Variants in SLC16A4 observed in about 807,000 individuals in gnomAD.
SLC16A4 encodes the protein solute carrier family 16 member 4, also known as probable monocarboxylate transporter 5.
A neutral mutation model predicts 47.9 loss-of-function variants in SLC16A4; 39 were observed. The observed-to-expected ratio is 0.81, with a 90% CI of 0.63 to 1.06. The LOEUF is 1.06. SLC16A4 is among the 50% of genes least tolerant of loss of function. The pLI, the probability that SLC16A4 is intolerant of heterozygous loss-of-function variation, is 0.00. For missense variants in SLC16A4, 524 were observed against 573.8 expected (o/e 0.91, Z 0.89); for synonymous variants, 189 against 199.9 (o/e 0.95, Z 0.46).
chr1:110,381,316 TACAC>T (rs4024149), intron 4 of SLC16A4, among the ~76,000 whole-genome samples, 173 bp from the exon 5 acceptor site: 4 of 150,936 alleles, frequency 2.7e-5, no homozygotes, highest in African/African-American at 7.3e-5. Flanking sequence ...CATATATACA[TACAC>T]ACACACACAC....
At chr1:110,372,780 T>A (rs1661751920) in intron 8 of SLC16A4, 1 of 152,216 alleles carries the variant, frequency 6.6e-6, no homozygotes, top group Non-Finnish European at 1.5e-5. Context: ...ACAGAATGTA[T>A]GGCTGCCTAA....
intron 2 of SLC16A4, among the ~76,000 whole-genome samples, chr1:110,383,766 G>A (rs985453858): frequency 2.9e-5 from 3 of 101,968 alleles, no homozygotes; most frequent in South Asian, 7.3e-4. Context: ...CAGGAAGGAA[G>A]TGTTTTTTTT....
chr1:110,384,840 G>A (rs1007046111), intron 2 of SLC16A4, among the ~76,000 whole-genome samples: 15 of 152,196 alleles, frequency 9.9e-5, no homozygotes, highest in East Asian at 1.9e-4. Flanking sequence ...GCGAAACCCC[G>A]TCTCTACAAA....
chr1:110,375,422 T>C, intron 8 of SLC16A4, 36 bp downstream of exon 8: 1 of 1,128,842 alleles, frequency 8.9e-7, no homozygotes. Context: ...CTTTTATTGC[T>C]ATTGAAATTT....
intron 8 of SLC16A4, among the ~76,000 whole-genome samples, chr1:110,364,591 A>G (rs948300570): frequency 6.8e-6 from 1 of 147,484 alleles, no homozygotes; most frequent in Non-Finnish European, 1.5e-5. Context: ...GCTTACTGCA[A>G]CCTCCACCTC....
intron 8 of SLC16A4, among the ~76,000 whole-genome samples, chr1:110,373,779 ATCC>A (rs919243294): frequency 6.0e-5 from 9 of 151,122 alleles, no homozygotes; most frequent in Admixed American, 5.9e-4. Context: ...GGCTCAAGCA[ATCC>A]TCCTGCCTCA....
intron 3 of SLC16A4, 129 bp downstream of exon 3, chr1:110,382,705 C>T (rs1662474158): frequency 3.3e-6 from 3 of 914,212 alleles, no homozygotes; most frequent in Non-Finnish European, 4.6e-6. Context: ...CTTACTTTCT[C>T]AGCGTTACAT....
At position 110,363,598 on chromosome 1, in the gene SLC16A4, C is replaced by A; in HGVS notation, c.*168G>T. ...CCGAGATTGCGCCACTGCACTCCAG[C>A]CTGGGCGAAAGAGCGAGACTCCGTC... On this transcript the variant is annotated 3_prime_UTR_variant, in exon 9 of 9. Transcript: ENST00000369779. 1.8e-6 allele frequency: 1 copy of A among 561,484 alleles called. No individual in the cohort carries two copies. Among genetic ancestry groups the A allele is most frequent in the South Asian group, 2.7e-5 (1 of 37,284 alleles). The allele number at this position is 561,484 out of a possible 1,614,324, so 34.8% of individuals were successfully genotyped here.
chr1:110,376,549 A>G (rs1427919429), intron 7 of SLC16A4, among the ~76,000 whole-genome samples: 2 of 152,220 alleles, frequency 1.3e-5, no homozygotes, highest in Non-Finnish European at 2.9e-5. Context: ...TAACTTCAAG[A>G]GAGAAACCAC....
intron 8 of SLC16A4, among the ~76,000 whole-genome samples, chr1:110,374,009 A>ATATATATATATATATATATCCT (rs766941005): frequency 1.3e-4 from 19 of 150,398 alleles, no homozygotes; most frequent in East Asian, 5.9e-4. Flanking sequence ...TCCTTAGTTT[A>ATATATATATATATATATATCCT]TAGTCTCCTT....
At chr1:110,380,842 T>C (rs1307799282) in intron 5 of SLC16A4, 140 bp downstream of exon 5, 5 of 732,390 alleles carry the variant, frequency 6.8e-6, no homozygotes, top group Non-Finnish European at 9.3e-6. Flanking sequence ...ATGTTTACTT[T>C]AGAAATTATG....
chr1:110,366,651 C>T (rs554419638), intron 8 of SLC16A4, among the ~76,000 whole-genome samples: 10 of 152,234 alleles, frequency 6.6e-5, no homozygotes, highest in African/African-American at 2.4e-4. Flanking sequence ...GATTTGTAGC[C>T]TAGGAGCAAT....
At chr1:110,365,892 C>T (rs751583142) in intron 8 of SLC16A4, among the ~76,000 whole-genome samples, 2 of 152,174 alleles carry the variant, frequency 1.3e-5, no homozygotes, top group African/African-American at 2.4e-5. Context: ...GATAGCACAG[C>T]TAAAAATAGT....
intron 1 of SLC16A4, among the ~76,000 whole-genome samples, chr1:110,390,184 C>G (rs1368347774): frequency 6.6e-6 from 1 of 152,132 alleles, no homozygotes; most frequent in Admixed American, 6.6e-5. Flanking sequence ...AGCCTGATCT[C>G]AGTGACTGTG....
At chr1:110,367,215 C>A (rs74119244) in intron 8 of SLC16A4, among the ~76,000 whole-genome samples, 1,556 of 152,322 alleles carry the variant, frequency 0.01, 24 homozygotes, top group African/African-American at 0.036. Flanking sequence ...AAGGATTGGC[C>A]AGGCACAGTG....
At chr1:110,379,616 G>A (rs1322839381) in intron 5 of SLC16A4, among the ~76,000 whole-genome samples, 1 of 151,250 alleles carries the variant, frequency 6.6e-6, no homozygotes, top group Non-Finnish European at 1.5e-5. Flanking sequence ...AGGGGGGTAG[G>A]GGGGGCAAGT....
At chr1:110,375,820 T>C (rs1217976543) in intron 7 of SLC16A4, among the ~76,000 whole-genome samples, 2 of 152,190 alleles carry the variant, frequency 1.3e-5, no homozygotes, top group African/African-American at 4.8e-5. Flanking sequence ...ATGGGTACTT[T>C]TTCTTCCCCA....
intron 1 of SLC16A4, among the ~76,000 whole-genome samples, chr1:110,390,176 C>T (rs1662961624): frequency 6.6e-6 from 1 of 152,122 alleles, no homozygotes; most frequent in East Asian, 1.9e-4. Context: ...ACCTGGAAAG[C>T]CTGATCTCAG....
In SLC16A4 at chr1:110,379,180, A is replaced by T. The variant is rs1557909276; in HGVS notation, c.703T>A (p.Ser235Thr). ...TGCGTAGTACTGTCCTTGATGGTAG[A>T]CTCTTCTGTCTCATGGCAGTGTGTT... ...TETHCHETEE[S>T]TIKDSTTQKA... is the part of the protein sequence containing the mutation. Residue 235 changes from serine to threonine, a missense_variant, in exon 6 of 9, where the codon TCT becomes ACT. Coordinates refer to ENST00000369779, the MANE Select transcript of SLC16A4 (RefSeq NM_004696.3). 6 of 1,613,934 alleles carry T rather than the reference A, an allele frequency of 3.7e-6. No individual in the cohort carries two copies. The Admixed American group carries it at 8.3e-5, about 22-fold the overall frequency.
Sources: allele counts gnomAD v4.1 joint callset (sites outside exome capture counted in the v4.1 genomes callset), GRCh38; gene constraint gnomAD v4.1.1; transcripts MANE v1.5; gene names NCBI Gene and HGNC (gene_info 2026-07-23, HGNC 2026-07-21).